The following IL1RAPL1 variants were observed in gnomAD, a reference collection of about 807,000 sequenced individuals.
IL1RAPL1 encodes interleukin-1 receptor accessory protein-like 1.
IL1RAPL1 carries 3 observed loss-of-function variants against 48.4 expected under a neutral mutation model. The observed-to-expected ratio is 0.06, with a 90% CI of 0.03 to 0.16. The LOEUF (loss-of-function observed/expected upper bound fraction) is 0.16. IL1RAPL1 is among the 10% of genes least tolerant of loss of function. The pLI is 1.00. For missense variants in IL1RAPL1, 349 were observed against 530.6 expected (o/e 0.66, Z 3.36); for synonymous variants, 185 against 187.7 (o/e 0.99, Z 0.12).
chrX:29,399,776 G>A (rs1457957102), intron 5 of IL1RAPL1, among the ~76,000 whole-genome samples: 1 of 108,114 alleles, frequency 9.2e-6, no homozygotes, highest in Non-Finnish European at 1.9e-5. Flanking sequence ...CTGAGATCGT[G>A]CCATTGCACT....
At chrX:29,707,177 T>G (rs1276213986) in intron 6 of IL1RAPL1, among the ~76,000 whole-genome samples, 1 of 111,241 alleles carries the variant, frequency 9.0e-6, no homozygotes, top group Non-Finnish European at 1.9e-5. Context: ...CCAACAAGCA[T>G]ATGGAAAAAT....
chrX:29,602,914 A>T (rs1443042490), intron 5 of IL1RAPL1, among the ~76,000 whole-genome samples: 1 of 72,994 alleles, frequency 1.4e-5, no homozygotes, highest in Non-Finnish European at 2.3e-5. Flanking sequence ...TGAATGAATG[A>T]GAAAGATTAT....
intron 1 of IL1RAPL1, among the ~76,000 whole-genome samples, chrX:28,704,456 G>A (rs6630732): frequency 9.0e-4 from 59 of 65,874 alleles, no homozygotes; most frequent in African/African-American, 3.4e-3. Flanking sequence ...ACACACACAC[G>A]CATGCACACA....
intron 1 of IL1RAPL1, among the ~76,000 whole-genome samples, chrX:28,731,341 A>G (rs1443126287): frequency 8.9e-6 from 1 of 111,738 alleles, no homozygotes; most frequent in Non-Finnish European, 1.9e-5. Context: ...GCTTGTATTA[A>G]AAAGACAATG....
chrX:29,787,678 T>C (rs1395421912), intron 6 of IL1RAPL1, among the ~76,000 whole-genome samples: 1 of 111,947 alleles, frequency 8.9e-6, no homozygotes, highest in Non-Finnish European at 1.9e-5. Context: ...TGCATCCGTT[T>C]CTTTACCATT....
chrX:29,215,009 AAT>A (rs1213045589), intron 2 of IL1RAPL1, among the ~76,000 whole-genome samples: 1 of 111,762 alleles, frequency 8.9e-6, no homozygotes, highest in Non-Finnish European at 1.9e-5. Context: ...TATATAATAT[AAT>A]ATGTCATTAA....
intron 3 of IL1RAPL1, among the ~76,000 whole-genome samples, chrX:29,356,768 C>T (rs904498670): frequency 7.2e-5 from 8 of 111,108 alleles, no homozygotes; most frequent in Non-Finnish European, 1.1e-4. Context: ...GAGAATTTCT[C>T]TGAGATATAC....
intron 5 of IL1RAPL1, among the ~76,000 whole-genome samples, chrX:29,633,466 TATAC>T (rs757077719): frequency 1.1e-4 from 11 of 98,630 alleles, no homozygotes; most frequent in Middle Eastern, 4.6e-3. Flanking sequence ...TCGATATATA[TATAC>T]ACACACACAC....
intron 2 of IL1RAPL1, among the ~76,000 whole-genome samples, chrX:29,025,674 A>G (rs1038814897): frequency 8.9e-6 from 1 of 111,945 alleles, no homozygotes; most frequent in African/African-American, 3.2e-5. Context: ...TCAGAATCAA[A>G]TTTTTGTAGA....
At chrX:28,592,255 T>TA (rs1440169881) in intron 1 of IL1RAPL1, among the ~76,000 whole-genome samples, 3 of 111,914 alleles carry the variant, frequency 2.7e-5, no homozygotes. Flanking sequence ...GATTGCTTTT[T>TA]AAAAAATGCT....
intron 2 of IL1RAPL1, among the ~76,000 whole-genome samples, chrX:29,279,155 C>T (rs1344473497): frequency 1.8e-5 from 2 of 112,261 alleles, no homozygotes; most frequent in East Asian, 2.8e-4. Flanking sequence ...TGATTTTATG[C>T]AGGCCGGGCT....
intron 2 of IL1RAPL1, among the ~76,000 whole-genome samples, chrX:28,979,913 G>A (rs1357957218): frequency 2.7e-5 from 3 of 112,192 alleles, no homozygotes; most frequent in Admixed American, 1.9e-4. Flanking sequence ...CCCCAGTGGT[G>A]GAGTTCTCTG....
intron 6 of IL1RAPL1, among the ~76,000 whole-genome samples, chrX:29,697,589 A>G (rs1169833399): frequency 1.8e-5 from 2 of 111,894 alleles, no homozygotes; most frequent in Non-Finnish European, 3.8e-5. Flanking sequence ...ATCTTTAAAA[A>G]TTTGGAATAA....
chrX:29,782,614 A>G (rs942195200), intron 6 of IL1RAPL1, among the ~76,000 whole-genome samples: 16 of 111,617 alleles, frequency 1.4e-4, no homozygotes, highest in African/African-American at 4.5e-4. Flanking sequence ...CACATACTAT[A>G]TGGAAAAACT....
At chrX:29,683,376 T>A (rs748083084) in intron 6 of IL1RAPL1, among the ~76,000 whole-genome samples, 1 of 112,543 alleles carries the variant, frequency 8.9e-6, no homozygotes, top group East Asian at 2.8e-4. Context: ...GTCATGAATG[T>A]CAGCTCTCGT....
chrX:28,684,368 A>T (rs1935091202), intron 1 of IL1RAPL1, among the ~76,000 whole-genome samples: 1 of 111,681 alleles, frequency 9.0e-6, no homozygotes, highest in African/African-American at 3.3e-5. Context: ...TCACTATCTC[A>T]TGAAAGTGAT....
At chrX:29,211,256 A>G (rs1451068610) in intron 2 of IL1RAPL1, among the ~76,000 whole-genome samples, 1 of 111,825 alleles carries the variant, frequency 8.9e-6, no homozygotes, top group African/African-American at 3.3e-5. Flanking sequence ...TGAGCAAAAC[A>G]GCCATAAATT....
At chrX:29,287,873 G>A (rs1340059242) in intron 3 of IL1RAPL1, among the ~76,000 whole-genome samples, 2 of 111,549 alleles carry the variant, frequency 1.8e-5, no homozygotes, top group Non-Finnish European at 3.8e-5. Flanking sequence ...CCTTCTAACA[G>A]GGTCTTTTGC....
intron 3 of IL1RAPL1, among the ~76,000 whole-genome samples, chrX:29,310,067 T>C (rs755572952): frequency 1.2e-3 from 96 of 77,168 alleles, no homozygotes; most frequent in African/African-American, 4.4e-3. Flanking sequence ...GCACTCCAGC[T>C]TGGGCGACAG....
Sources: allele counts gnomAD v4.1 joint callset (sites outside exome capture counted in the v4.1 genomes callset), GRCh38; gene constraint gnomAD v4.1.1; transcripts MANE v1.5; gene names NCBI Gene and HGNC (gene_info 2026-07-23, HGNC 2026-07-21).